DCDC1: variants seen among roughly 807,000 people sequenced by gnomAD.
DCDC1 encodes doublecortin domain containing 1, also known as doublecortin domain-containing protein 1.
In DCDC1, 200 loss-of-function variants were observed where a neutral mutation model predicts 178.3. The observed-to-expected ratio is 1.12, with a 90% CI of 1.00 to 1.26. The LOEUF is 1.26. Ranked by LOEUF, DCDC1 falls within the 50% of genes most tolerant of loss-of-function variation. The pLI is 0.00. For synonymous variants in DCDC1, 690 were observed against 604.8 expected, an observed-to-expected ratio of 1.14 and a Z score of -2.07; for missense variants, 1,983 against 1,749.2, an observed-to-expected ratio of 1.13 and a Z score of -2.38.
chr11:31,103,403 A>G (rs1958631176), intron 14 of DCDC1, among the ~76,000 whole-genome samples: 1 of 152,220 alleles, frequency 6.6e-6, no homozygotes, highest in African/African-American at 2.4e-5. Context: ...TGTTTCTGCA[A>G]AGCAGAAACT....
At chr11:31,214,370 G>A (rs1973262835) in intron 9 of DCDC1, among the ~76,000 whole-genome samples, 1 of 152,132 alleles carries the variant, frequency 6.6e-6, no homozygotes, top group African/African-American at 2.4e-5. Context: ...ATTTCAAAAT[G>A]TATAATGTAA....
At chr11:31,106,617 G>A (rs1958866786) in intron 13 of DCDC1, among the ~76,000 whole-genome samples, 180 bp downstream of exon 13, 1 of 152,186 alleles carries the variant, frequency 6.6e-6, no homozygotes, top group Admixed American at 6.5e-5. Context: ...GAGATAGAGA[G>A]AGAGAAGGAG....
intron 10 of DCDC1, among the ~76,000 whole-genome samples, chr11:31,130,684 C>T (rs1962316917): frequency 6.6e-6 from 1 of 152,102 alleles, no homozygotes; most frequent in Admixed American, 6.5e-5. Flanking sequence ...TCCTATATAA[C>T]TTATATAGTA....
intron 20 of DCDC1, among the ~76,000 whole-genome samples, chr11:30,972,414 G>A (rs1949854096): frequency 1.3e-5 from 2 of 152,074 alleles, no homozygotes. Flanking sequence ...TCTCAGAAAA[G>A]CAAAAACTGA....
intron 4 of DCDC1, among the ~76,000 whole-genome samples, chr11:31,306,905 A>G (rs561047947): frequency 6.6e-6 from 1 of 152,168 alleles, no homozygotes; most frequent in Non-Finnish European, 1.5e-5. Context: ...TATTGCTCTC[A>G]TTTCAAACTG....
chr11:30,896,135 A>G (rs1944192470), intron 34 of DCDC1, among the ~76,000 whole-genome samples: 1 of 152,240 alleles, frequency 6.6e-6, no homozygotes, highest in Non-Finnish European at 1.5e-5. Flanking sequence ...AAAGGTTTTT[A>G]TGATAAACTA....
intron 32 of DCDC1, 25 bp downstream of exon 32, chr11:30,903,457 C>A (rs1944845717): frequency 6.4e-7 from 1 of 1,550,792 alleles, no homozygotes; most frequent in Non-Finnish European, 8.7e-7. Flanking sequence ...GTAGAATCAG[C>A]TAAATGCTGT....
chr11:31,283,120 C>T (rs1227504793), intron 7 of DCDC1, among the ~76,000 whole-genome samples: 3 of 152,144 alleles, frequency 2.0e-5, no homozygotes, highest in African/African-American at 7.2e-5. Flanking sequence ...TTCCATGAAC[C>T]AAGAACTCAG....
chr11:31,251,975 A>G (rs567037380), intron 8 of DCDC1, among the ~76,000 whole-genome samples: 1 of 152,308 alleles, frequency 6.6e-6, no homozygotes, highest in East Asian at 1.9e-4. Flanking sequence ...CATTCAGGCC[A>G]TGATACAATT....
At chr11:31,179,843 A>G (rs1248444037) in intron 9 of DCDC1, among the ~76,000 whole-genome samples, 5 of 152,178 alleles carry the variant, frequency 3.3e-5, no homozygotes, top group Admixed American at 2.0e-4. Context: ...AACAACAAAT[A>G]CTACAGGTCA....
intron 17 of DCDC1, among the ~76,000 whole-genome samples, chr11:31,078,640 C>T (rs1956999116): frequency 6.6e-6 from 1 of 152,058 alleles, no homozygotes; most frequent in Admixed American, 6.6e-5. Flanking sequence ...GTGATCTGGG[C>T]AGAGTATGTA....
chr11:31,171,733 A>T (rs1967267955), intron 9 of DCDC1, among the ~76,000 whole-genome samples: 1 of 152,258 alleles, frequency 6.6e-6, no homozygotes, highest in Admixed American at 6.5e-5. Flanking sequence ...ATAATTTTAC[A>T]ACATCTGGAA....
intron 13 of DCDC1, among the ~76,000 whole-genome samples, chr11:31,106,298 T>G (rs1248710425): frequency 6.6e-6 from 1 of 152,238 alleles, no homozygotes; most frequent in African/African-American, 2.4e-5. Context: ...GCTTAAAAGG[T>G]TAAGACTTTA....
At chr11:31,113,732 T>C (rs1959380041) in intron 11 of DCDC1, among the ~76,000 whole-genome samples, 1 of 152,120 alleles carries the variant, frequency 6.6e-6, no homozygotes, top group Non-Finnish European at 1.5e-5. Context: ...GTCTGTAACA[T>C]CTTCTATAGA....
At chr11:30,938,113 A>C (rs1947392038) in intron 21 of DCDC1, among the ~76,000 whole-genome samples, 1 of 149,068 alleles carries the variant, frequency 6.7e-6, no homozygotes, top group African/African-American at 2.5e-5. Context: ...TTCCTCTTGT[A>C]CTCTTCCTTC....
rs148869549 is a variant in DCDC1 at position 31,305,670 on chromosome 11, G to C, written c.699C>G (p.Ala233=). ...ALEPEDIPHE[A]DVYVSTGEPF... is the part of the protein sequence containing the mutation. ...GCTCTCCCGTTGAAACATAAACATC[G>C]GCTTCATGGGGTATATCTTCAGGTT... is the stretch of plus-strand genomic sequence containing the variant. The change falls in exon 6 of 39, where the codon GCC becomes GCG. Residue 233 remains alanine, a synonymous_variant. Coordinates refer to ENST00000684477, the MANE Select transcript of DCDC1 (RefSeq NM_001387274.1). 1 of 1,613,632 alleles carries C rather than the reference G, an allele frequency of 6.2e-7. No individual in the cohort carries two copies.
intron 20 of DCDC1, among the ~76,000 whole-genome samples, chr11:30,953,542 T>C (rs1488231333): frequency 6.6e-6 from 1 of 152,080 alleles, no homozygotes; most frequent in East Asian, 1.9e-4. Flanking sequence ...CTCAAATTAT[T>C]ATTTTTTAAA....
At position 31,137,779 on chromosome 11, in the gene DCDC1, G is replaced by A. The variant is rs1283718297; in HGVS notation, c.1227C>T (p.Asn409=). The change falls in exon 10 of 39, where the codon AAC becomes AAT. Residue 409 remains asparagine (N), a synonymous_variant. Coordinates refer to ENST00000684477, the MANE Select transcript of DCDC1 (RefSeq NM_001387274.1). Reference sequence around the variant, plus strand: ...TCTCCTTCTGTTCATTCATGACCAGGTTCAACTAGAAAAAACAAATAAACA... The same window carrying A: ...TCTCCTTCTGTTCATTCATGACCAGATTCAACTAGAAAAAACAAATAAACA... The part of the protein sequence containing the change: ...KSAKKYYKQL[N]LVMNEQKEKI... 5.7e-6 allele frequency: 4 copies of A among 701,628 alleles called. No homozygotes were observed. The highest frequency in any genetic ancestry group is 3.5e-5 in the African/African-American group (2 of 57,126). 43.5% of individuals were successfully genotyped at this position (701,628 alleles called of 1,614,324 possible).
At chr11:31,324,311 G>GA (rs202004473) in intron 3 of DCDC1, among the ~76,000 whole-genome samples, 56 of 140,100 alleles carry the variant, frequency 4.0e-4, no homozygotes, top group Middle Eastern at 3.5e-3. Flanking sequence ...CCACCCAAAG[G>GA]AAAAAAAAAA....
Sources: gnomAD v4.1 joint callset for allele counts (sites outside exome capture counted in the v4.1 genomes callset) on GRCh38, gnomAD v4.1.1 for gene constraint, MANE v1.5 for transcripts, NCBI Gene and HGNC (gene_info 2026-07-23, HGNC 2026-07-21) for gene names.